BANK1: variants seen among roughly 807,000 people sequenced by gnomAD.
BANK1 encodes B cell scaffold protein with ankyrin repeats 1.
A neutral mutation model predicts 94.5 loss-of-function variants in BANK1; 95 were observed. That is an observed-to-expected ratio of 1.00 (90% CI 0.85 to 1.19). The LOEUF (loss-of-function observed/expected upper bound fraction) is 1.19, where lower values mean the gene tolerates loss of function less well. Among genes scored for constraint, BANK1 ranks in the 50% most tolerant of loss-of-function variants. The pLI is 0.00. For synonymous variants in BANK1, 334 were observed against 308.4 expected (o/e 1.08, Z -0.87); for missense variants, 987 against 932.2 (o/e 1.06, Z -0.77).
intron 11 of BANK1, among the ~76,000 whole-genome samples, chr4:102,055,779 AC>A (rs879844942): frequency 1.3e-5 from 2 of 152,176 alleles, no homozygotes; most frequent in African/African-American, 2.4e-5. Context: ...TATTTTCCTA[AC>A]GGGAAATTAA....
intron 6 of BANK1, among the ~76,000 whole-genome samples, chr4:101,916,236 A>G (rs1234834042): frequency 1.3e-5 from 2 of 152,036 alleles, no homozygotes; most frequent in African/African-American, 2.4e-5. Context: ...CTTAAGAACC[A>G]CAGATTTAGT....
chr4:101,895,571 C>T (rs79489408), intron 6 of BANK1, among the ~76,000 whole-genome samples, 161 bp downstream of exon 6: 2,325 of 151,956 alleles, frequency 0.015, 58 homozygotes, highest in East Asian at 0.11. Flanking sequence ...GTACAAACTT[C>T]TGAATGTTCG....
chr4:102,006,645 A>C (rs1428039329), intron 7 of BANK1, among the ~76,000 whole-genome samples: 1 of 152,022 alleles, frequency 6.6e-6, no homozygotes, highest in African/African-American at 2.4e-5. Context: ...AATGTGAAAT[A>C]GCTTTCTTTA....
At chr4:101,841,716 C>T (rs1012236023) in intron 2 of BANK1, among the ~76,000 whole-genome samples, 5 of 151,554 alleles carry the variant, frequency 3.3e-5, no homozygotes, top group Admixed American at 3.3e-4. Flanking sequence ...TGCTGGTGTG[C>T]TGCACCCACT....
chr4:101,911,128 G>C (rs1722649749), intron 6 of BANK1, among the ~76,000 whole-genome samples: 1 of 152,180 alleles, frequency 6.6e-6, no homozygotes, highest in South Asian at 2.1e-4. Context: ...TTGCCCAGAT[G>C]GTAAGTGGCA....
At chr4:101,987,955 A>G (rs1477026649) in intron 7 of BANK1, among the ~76,000 whole-genome samples, 2 of 152,154 alleles carry the variant, frequency 1.3e-5, no homozygotes, top group African/African-American at 4.8e-5. Flanking sequence ...TTCCCACTGC[A>G]GAAGTGATCA....
chr4:102,066,139 C>T (rs1282098889), intron 13 of BANK1, among the ~76,000 whole-genome samples: 1 of 151,398 alleles, frequency 6.6e-6, no homozygotes. Flanking sequence ...CTACTTTAAG[C>T]CAAGGTAAAA....
intron 2 of BANK1, among the ~76,000 whole-genome samples, chr4:101,840,095 A>T (rs928516646): frequency 6.9e-6 from 1 of 144,348 alleles, no homozygotes; most frequent in Non-Finnish European, 1.5e-5. Context: ...CAGCCTCCCA[A>T]GTAGCTGGGA....
At chr4:101,897,806 CT>C (rs935873536) in intron 6 of BANK1, among the ~76,000 whole-genome samples, 1 of 151,912 alleles carries the variant, frequency 6.6e-6, no homozygotes, top group African/African-American at 2.4e-5. Context: ...TTACTAGCCC[CT>C]AATTGCTTCA....
intron 1 of BANK1, among the ~76,000 whole-genome samples, chr4:101,817,221 T>C (rs1202550213): frequency 1.3e-5 from 2 of 152,192 alleles, no homozygotes; most frequent in Non-Finnish European, 1.5e-5. Flanking sequence ...TAAAGACACA[T>C]GCATATTTTA....
Position 101,862,648 on chromosome 4 carries a change from G to C in BANK1, c.747G>C (p.Trp249Cys), listed in dbSNP as rs368732231. 5.6e-6 allele frequency: 9 copies of C among 1,603,690 alleles called. No homozygotes were observed. The highest frequency in any genetic ancestry group is 5.4e-5 in the African/African-American group (4 of 74,338). ...CAGCCCTTTGGAATAAGAAAGTCTG[G>C]TGCATGAAAGCTTTAGGTAAGAATG... ...TRPALWNKKV[W>C]CMKALEFPAG... The change falls in exon 4 of 17, where the codon TGG becomes TGC. Residue 249 changes from tryptophan to cysteine, a missense_variant. Physicochemically the swap from Trp to Cys is radical, Grantham distance 215. Transcript: ENST00000322953.
chr4:101,911,610 A>G (rs1391352801), intron 6 of BANK1, among the ~76,000 whole-genome samples: 1 of 152,198 alleles, frequency 6.6e-6, no homozygotes, highest in Non-Finnish European at 1.5e-5. Flanking sequence ...AACCAGGTTA[A>G]CCATAGACTA....
At chr4:101,801,426 C>T (rs191735003) in intron 1 of BANK1, among the ~76,000 whole-genome samples, 2 of 152,238 alleles carry the variant, frequency 1.3e-5, no homozygotes, top group Admixed American at 1.3e-4. Flanking sequence ...TAGCAATGCA[C>T]TCAGCTTTCA....
At chr4:101,804,159 C>CAT (rs1725468329) in intron 1 of BANK1, among the ~76,000 whole-genome samples, 1 of 137,980 alleles carries the variant, frequency 7.2e-6, no homozygotes, top group Non-Finnish European at 1.6e-5. Flanking sequence ...AAAACATAGT[C>CAT]ACAAAAATAC....
At chr4:101,895,589 A>AT (rs556255614) in intron 6 of BANK1, among the ~76,000 whole-genome samples, 179 bp downstream of exon 6, 7 of 151,738 alleles carry the variant, frequency 4.6e-5, no homozygotes, top group South Asian at 2.1e-4. Flanking sequence ...TCGTTTGGTA[A>AT]TTTTTTTTAT....
At chr4:101,922,640 T>C (rs1364869537) in intron 7 of BANK1, among the ~76,000 whole-genome samples, 1 of 151,828 alleles carries the variant, frequency 6.6e-6, no homozygotes, top group Admixed American at 6.6e-5. Context: ...TTTTTTAAAG[T>C]TTAGTTTCGG....
In BANK1 at chr4:101,918,075, A is replaced by G. The variant is rs985275857; in HGVS notation, c.1092A>G (p.Gln364=). 13 of 1,611,904 alleles carry G rather than the reference A, an allele frequency of 8.1e-6. No homozygotes were observed. Among genetic ancestry groups the G allele is most frequent in the African/African-American group, 1.3e-5 (1 of 74,836 alleles). ...AGAACCTGGCTATTCATTTGCTTCAATGTTCAGGAGCAACCTGGGCATCTA... is the reference window on the plus strand; with the variant it reads ...AGAACCTGGCTATTCATTTGCTTCAGTGTTCAGGAGCAACCTGGGCATCTA... ...GLKNLAIHLL[Q]CSGATWASKM... is the part of the protein sequence containing the mutation. The change falls in exon 7 of 17, where the codon CAA becomes CAG. Residue 364 remains glutamine (Q), a synonymous_variant. Coordinates refer to ENST00000322953, the MANE Select transcript of BANK1 (RefSeq NM_017935.5).
intron 2 of BANK1, among the ~76,000 whole-genome samples, chr4:101,837,886 C>G (rs773496710): frequency 6.6e-6 from 1 of 150,992 alleles, no homozygotes; most frequent in Non-Finnish European, 1.5e-5. Flanking sequence ...TTTCTCCTCT[C>G]CCTCTCCCTC....
At chr4:102,007,479 G>A (rs1726345023) in intron 7 of BANK1, among the ~76,000 whole-genome samples, 1 of 151,852 alleles carries the variant, frequency 6.6e-6, no homozygotes, top group African/African-American at 2.4e-5. Flanking sequence ...AGAAAGAAAG[G>A]ATATGAAATT....
Sources: gnomAD v4.1 joint callset for allele counts (sites outside exome capture counted in the v4.1 genomes callset) on GRCh38, gnomAD v4.1.1 for gene constraint, MANE v1.5 for transcripts, NCBI Gene and HGNC (gene_info 2026-07-23, HGNC 2026-07-21) for gene names.